The following CPNE8 variants were observed in gnomAD, a reference collection of about 807,000 sequenced individuals.
CPNE8 encodes the protein copine-8.
In CPNE8, 45 loss-of-function variants were observed where a neutral mutation model predicts 81.5. That is an observed-to-expected ratio of 0.55 (90% CI 0.44 to 0.71). The LOEUF (loss-of-function observed/expected upper bound fraction) is 0.71, where lower values mean the gene tolerates loss of function less well. Among genes scored for constraint, CPNE8 ranks in the 30% least tolerant of loss-of-function variants. The pLI is 0.00. For missense variants in CPNE8, 594 were observed against 672.1 expected (o/e 0.88, Z 1.28); for synonymous variants, 252 against 226.3 (o/e 1.11, Z -1.02).
chr12:38,860,198 G>C (rs1205493079), intron 3 of CPNE8, among the ~76,000 whole-genome samples: 1 of 151,388 alleles, frequency 6.6e-6, no homozygotes, highest in African/African-American at 2.4e-5. Flanking sequence ...AAACTCAGCA[G>C]CAAAACAACC....
chr12:38,658,998 G>A (rs1227724678), intron 19 of CPNE8, among the ~76,000 whole-genome samples: 2 of 152,076 alleles, frequency 1.3e-5, no homozygotes, highest in Non-Finnish European at 2.9e-5. Flanking sequence ...CAATTAATGG[G>A]CAAAATAACC....
intron 17 of CPNE8, among the ~76,000 whole-genome samples, chr12:38,676,962 G>A (rs575140780): frequency 4.1e-4 from 61 of 149,576 alleles, no homozygotes; most frequent in African/African-American, 1.3e-3. Flanking sequence ...AGTAAACATA[G>A]ATTTTATAGA....
chr12:38,677,493 C>T lies in CPNE8; in HGVS notation c.1333G>A (p.Val445Ile). Residue 445 changes from valine to isoleucine, a missense_variant, in exon 17 of 20, where the codon GTT becomes ATT. Val to Ile is a conservative substitution (Grantham distance 29). Coordinates refer to ENST00000331366, the MANE Select transcript of CPNE8 (RefSeq NM_153634.3). ...TTAGTCTGGGCCATATCTGAGATAACACCATCTGTAACAATCAGAAGCACA... is the reference window on the plus strand; with the variant it reads ...TTAGTCTGGGCCATATCTGAGATAATACCATCTGTAACAATCAGAAGCACA... Reference protein sequence around the residue: ...YFVLLIVTDGVISDMAQTKES... With the variant: ...YFVLLIVTDGIISDMAQTKES... 6.2e-7 allele frequency: 1 copy of T among 1,612,570 alleles called. No individual in the cohort carries two copies. Among genetic ancestry groups the T allele is most frequent in the South Asian group, 1.1e-5 (1 of 91,042 alleles).
intron 6 of CPNE8, among the ~76,000 whole-genome samples, chr12:38,814,044 A>T (rs1331523189): frequency 1.3e-5 from 2 of 152,086 alleles, no homozygotes; most frequent in Non-Finnish European, 2.9e-5. Context: ...GTTGTACAAG[A>T]AGAGTCTTTG....
intron 1 of CPNE8, among the ~76,000 whole-genome samples, chr12:38,877,563 T>G (rs1313133565): frequency 6.6e-6 from 1 of 152,106 alleles, no homozygotes; most frequent in Non-Finnish European, 1.5e-5. Flanking sequence ...AAAGAACAAA[T>G]TCTTCAATAG....
chr12:38,820,295 C>T (rs1943093107), intron 6 of CPNE8, among the ~76,000 whole-genome samples: 1 of 151,934 alleles, frequency 6.6e-6, no homozygotes, highest in Non-Finnish European at 1.5e-5. Flanking sequence ...ATCCTGGCTA[C>T]TCAGGAGGCT....
chr12:38,892,576 A>T (rs945333582), intron 1 of CPNE8, among the ~76,000 whole-genome samples: 1 of 152,220 alleles, frequency 6.6e-6, no homozygotes, highest in African/African-American at 2.4e-5. Context: ...TATGAAATAT[A>T]GTAAGTCAAG....
chr12:38,727,182 C>T (rs1424810923), intron 11 of CPNE8, among the ~76,000 whole-genome samples: 1 of 152,134 alleles, frequency 6.6e-6, no homozygotes, highest in Non-Finnish European at 1.5e-5. Flanking sequence ...TCAGTGATCA[C>T]TCATTCAAGA....
At chr12:38,796,329 A>G (rs967500593) in intron 6 of CPNE8, among the ~76,000 whole-genome samples, 1 of 152,144 alleles carries the variant, frequency 6.6e-6, no homozygotes, top group Non-Finnish European at 1.5e-5. Flanking sequence ...TCAAAAGGAA[A>G]AGACAAAAAT....
chr12:38,728,927 T>G (rs1000622186), intron 11 of CPNE8, among the ~76,000 whole-genome samples: 2 of 152,134 alleles, frequency 1.3e-5, no homozygotes, highest in African/African-American at 4.8e-5. Context: ...AGTCATGGCC[T>G]TACAGGGTAT....
chr12:38,821,639 A>G (rs747297346), intron 6 of CPNE8, among the ~76,000 whole-genome samples: 12 of 152,172 alleles, frequency 7.9e-5, no homozygotes, highest in Non-Finnish European at 1.6e-4. Flanking sequence ...TTTTACCTAT[A>G]TCTCTCATGA....
At chr12:38,887,363 C>T (rs1271430760) in intron 1 of CPNE8, among the ~76,000 whole-genome samples, 3 of 152,108 alleles carry the variant, frequency 2.0e-5, no homozygotes, top group African/African-American at 2.4e-5. Context: ...GAAAAAAACT[C>T]GACTTCCATC....
chr12:38,788,117 C>T (rs59843534), intron 6 of CPNE8, among the ~76,000 whole-genome samples: 12,140 of 151,638 alleles, frequency 0.08, 628 homozygotes, highest in East Asian at 0.28. Flanking sequence ...TTCTACAAGG[C>T]CAATATTACC....
chr12:38,757,281 A>G (rs919126519), intron 10 of CPNE8, among the ~76,000 whole-genome samples: 50 of 152,060 alleles, frequency 3.3e-4, no homozygotes, highest in Non-Finnish European at 2.9e-5. Context: ...GTTGATCATT[A>G]TGTCATGAAA....
chr12:38,822,858 C>T (rs1943128311), intron 6 of CPNE8, among the ~76,000 whole-genome samples: 1 of 152,108 alleles, frequency 6.6e-6, no homozygotes, highest in South Asian at 2.1e-4. Flanking sequence ...TGAGTCCAGC[C>T]CAATATTCTT....
intron 6 of CPNE8, among the ~76,000 whole-genome samples, chr12:38,778,194 A>G (rs1168750998): frequency 6.6e-6 from 1 of 152,224 alleles, no homozygotes; most frequent in African/African-American, 2.4e-5. Flanking sequence ...CCCCCAGTGC[A>G]TGGAAAAATG....
At chr12:38,757,269 C>T (rs1196328175) in intron 10 of CPNE8, among the ~76,000 whole-genome samples, 1 of 151,824 alleles carries the variant, frequency 6.6e-6, no homozygotes, top group Non-Finnish European at 1.5e-5. Context: ...GAAACAGTCT[C>T]TGTTGATCAT....
At chr12:38,796,577 G>A (rs776998971) in intron 6 of CPNE8, among the ~76,000 whole-genome samples, 4 of 152,148 alleles carry the variant, frequency 2.6e-5, no homozygotes, top group Admixed American at 6.5e-5. Flanking sequence ...CAAGATGGCC[G>A]AATAGGAACA....
chr12:38,828,107 G>A (rs575751413), intron 6 of CPNE8, among the ~76,000 whole-genome samples: 8 of 152,218 alleles, frequency 5.3e-5, no homozygotes, highest in African/African-American at 1.4e-4. Context: ...CATCTTTAAG[G>A]TGGTATTGCA....
Sources: allele counts gnomAD v4.1 joint callset (sites outside exome capture counted in the v4.1 genomes callset), GRCh38; gene constraint gnomAD v4.1.1; transcripts MANE v1.5; gene names NCBI Gene and HGNC (gene_info 2026-07-23, HGNC 2026-07-21).